Variants in WDR88 observed in about 807,000 individuals in gnomAD.
WDR88 encodes the protein WD repeat domain 88, also known as WD repeat-containing protein 88.
A neutral mutation model predicts 46.8 loss-of-function variants in WDR88; 40 were observed. The observed-to-expected ratio is 0.86, with a 90% confidence interval of 0.66 to 1.11. WDR88 has a LOEUF of 1.11. Among genes scored for constraint, WDR88 ranks in the 50% most tolerant of loss-of-function variants. The pLI, the probability that WDR88 is intolerant of heterozygous loss-of-function variation, is 0.00. For missense variants in WDR88, 562 were observed against 602.4 expected, an observed-to-expected ratio of 0.93 and a Z score of 0.70; for synonymous variants, 235 against 240.7, an observed-to-expected ratio of 0.98 and a Z score of 0.22.
chr19:33,134,840 A>ACC lies in WDR88; in HGVS notation c.276+2405_276+2406dup, dbSNP rs766617576. Among the ~76,000 whole-genome samples the ACC allele has an allele frequency of 4.5e-4, 28 of 62,426 alleles. 1 individual carries two copies. The highest frequency in any genetic ancestry group is 1.4e-3 in the African/African-American group (26 of 18,406). The allele number at this position is 62,426 out of a possible 152,430, so 41.0% of individuals were successfully genotyped here. A position where few individuals can be genotyped will look rare whatever the true frequency, so the allele number is the denominator to read the frequency against. On this transcript the variant is annotated intron_variant, in intron 1 of 10. Coordinates refer to ENST00000355868, the MANE Select transcript of WDR88 (RefSeq NM_173479.4). ...GCATCTCCACCTGCACGTCCCCGAC[A>ACC]CCCCCCCCCCCGCCCCGCATCACCT... is the stretch of plus-strand genomic sequence containing the variant.
At chr19:33,146,851 C>T (rs539864858) in intron 3 of WDR88, among the ~76,000 whole-genome samples, 1 of 152,014 alleles carries the variant, frequency 6.6e-6, no homozygotes, top group Non-Finnish European at 1.5e-5. Context: ...ACCGAATGGT[C>T]CCTAGGGTGG....
intron 5 of WDR88, among the ~76,000 whole-genome samples, chr19:33,149,187 A>G (rs1322539511): frequency 1.3e-5 from 2 of 152,058 alleles, no homozygotes; most frequent in African/African-American, 4.8e-5. Flanking sequence ...GCCAGGTGTG[A>G]TGGCATGCAC....
intron 4 of WDR88, among the ~76,000 whole-genome samples, chr19:33,148,363 T>C (rs1193250738): frequency 6.6e-6 from 1 of 152,126 alleles, no homozygotes; most frequent in Non-Finnish European, 1.5e-5. Context: ...TTCTTGTTAG[T>C]GCAAAGGTCA....
chr19:33,165,901 CA>C (rs34888884), intron 9 of WDR88, among the ~76,000 whole-genome samples: 5,024 of 109,096 alleles, frequency 0.046, 248 homozygotes, highest in African/African-American at 0.12. Context: ...AACTCTGTCT[CA>C]AAAAAAAAAA....
intron 9 of WDR88, among the ~76,000 whole-genome samples, chr19:33,169,364 A>G (rs1974000549): frequency 6.6e-6 from 1 of 152,214 alleles, no homozygotes; most frequent in African/African-American, 2.4e-5. Flanking sequence ...TAATATGCAG[A>G]ATACATAAAG....
chr19:33,164,381 C>A, intron 9 of WDR88, 116 bp downstream of exon 9: 1 of 905,362 alleles, frequency 1.1e-6, no homozygotes, highest in Non-Finnish European at 1.8e-6. Context: ...CCTGACCGGG[C>A]CATCGTGTTC....
At chr19:33,146,942 A>G (rs1001178837) in intron 3 of WDR88, among the ~76,000 whole-genome samples, 3 of 152,110 alleles carry the variant, frequency 2.0e-5, no homozygotes, top group African/African-American at 7.2e-5. Context: ...AAGTCTTCAT[A>G]GAAGTCATAG....
rs778814914 is a variant in WDR88 at position 33,164,221 on chromosome 19, G to A, written c.1105G>A (p.Val369Ile). The A allele has an allele frequency of 1.9e-6, 3 of 1,614,054 alleles. No homozygotes were observed. The South Asian group carries it at 3.3e-5, about 18-fold the overall frequency. ...LKGHNDWVMD[V>I]AISNNKKWIL... ...GGGCCATAATGACTGGGTGATGGAT[G>A]TTGCCATTAGCAACAACAAGAAATG... The change falls in exon 9 of 11, where the codon GTT becomes ATT. Residue 369 changes from valine to isoleucine, a missense_variant. By Grantham distance (29) the Val-to-Ile change is conservative. Coordinates refer to ENST00000355868, the MANE Select transcript of WDR88 (RefSeq NM_173479.4).
At position 33,154,129 on chromosome 19, in the gene WDR88, A is replaced by G. The variant is rs904241641; in HGVS notation, c.810-2226A>G. 4.6e-5 allele frequency among the ~76,000 whole-genome samples: 7 copies of G among 152,064 alleles called. No individual in the cohort carries two copies. The South Asian group carries it at 1.2e-3, about 27-fold the overall frequency. ...GAAATGGCCTTCTACGAGAAGTGGG[A>G]TTTATGTGAAATGAGAGTCCATAGA... On this transcript the variant is annotated intron_variant, in intron 6 of 10. Transcript: ENST00000355868.
In WDR88 at chr19:33,132,159, C is replaced by A; in HGVS notation, c.-11C>A. 3.2e-6 allele frequency: 5 copies of A among 1,576,866 alleles called. No individual in the cohort carries two copies. The highest frequency in any genetic ancestry group is 4.3e-6 in the Non-Finnish European group (5 of 1,164,858). ...GGCTTGTCGGCGGCCACCGGCGGAC[C>A]GGGCTTCGAGATGGCCTCCCCGCCG... On this transcript the variant is annotated 5_prime_UTR_variant, in exon 1 of 11. Transcript: ENST00000355868.
intron 1 of WDR88, among the ~76,000 whole-genome samples, 161 bp from the exon 2 acceptor site, chr19:33,137,516 G>T (rs894931340): frequency 1.3e-5 from 2 of 152,000 alleles, no homozygotes; most frequent in African/African-American, 4.8e-5. Flanking sequence ...GCCTCCCAAA[G>T]TGCTGGGATT....
At chr19:33,148,659 A>T in intron 4 of WDR88, 113 bp from the exon 5 acceptor site, 1 of 1,298,482 alleles carries the variant, frequency 7.7e-7, no homozygotes, top group Non-Finnish European at 1.1e-6. Context: ...GGCTAGTCTC[A>T]GGCTCCTGGT....
At chr19:33,134,617 A>C (rs1406256014) in intron 1 of WDR88, among the ~76,000 whole-genome samples, 2 of 152,018 alleles carry the variant, frequency 1.3e-5, no homozygotes, top group East Asian at 3.9e-4. Flanking sequence ...CGCGCAGGTC[A>C]TGTCCCGGGG....
chr19:33,174,009 C>G (rs1310738019), intron 10 of WDR88, among the ~76,000 whole-genome samples: 1 of 151,980 alleles, frequency 6.6e-6, no homozygotes, highest in East Asian at 1.9e-4. Flanking sequence ...CACCACTACG[C>G]TGGCTAATTG....
At chr19:33,141,227 G>GTGTTTTT (rs1973385102) in intron 2 of WDR88, among the ~76,000 whole-genome samples, 3 of 113,430 alleles carry the variant, frequency 2.6e-5, no homozygotes, top group Non-Finnish European at 5.1e-5. Context: ...GTGGGAGCAT[G>GTGTTTTT]TTTTTTTTTT....
chr19:33,157,826 A>C (rs1973791533), intron 7 of WDR88, among the ~76,000 whole-genome samples: 1 of 149,702 alleles, frequency 6.7e-6, no homozygotes, highest in Non-Finnish European at 1.5e-5. Context: ...CTTCTGTCTG[A>C]TGGTGCCAGA....
rs185771300 is a variant in WDR88, at chr19:33,174,820, C to T, written c.1243-576C>T. 67 of 954,562 alleles carry T rather than the reference C, an allele frequency of 7.0e-5. 4 individuals carry two copies. In the East Asian group the frequency reaches 3.0e-3, roughly 42 times the overall value. 59.1% of individuals were successfully genotyped at this position (954,562 alleles called of 1,614,324 possible). A position where few individuals can be genotyped will look rare whatever the true frequency, so the allele number is the denominator to read the frequency against. On this transcript the variant is annotated intron_variant, in intron 10 of 10. Transcript: ENST00000355868. ...TCCTCAGGACCCCCATGGCAGGAGA[C>T]ATGAGCTGGCAGGAGACATGAGCTG...
chr19:33,137,580 G>T, intron 1 of WDR88, 97 bp from the exon 2 acceptor site: 2 of 1,102,662 alleles, frequency 1.8e-6, no homozygotes, highest in South Asian at 3.0e-5. Context: ...TTTTTTCCGG[G>T]TGGTTTATTG....
At chr19:33,134,009 A>G (rs1973194228) in intron 1 of WDR88, among the ~76,000 whole-genome samples, 1 of 152,226 alleles carries the variant, frequency 6.6e-6, no homozygotes, top group Non-Finnish European at 1.5e-5. Flanking sequence ...TCCAGGCCCC[A>G]TGGGGGAGGA....
Sources: gnomAD v4.1 joint callset for allele counts (sites outside exome capture counted in the v4.1 genomes callset) on GRCh38, gnomAD v4.1.1 for gene constraint, MANE v1.5 for transcripts, NCBI Gene and HGNC (gene_info 2026-07-23, HGNC 2026-07-21) for gene names.